Variants in CNTN5 observed in about 807,000 individuals in gnomAD.
CNTN5 encodes contactin 5.
A neutral mutation model predicts 129.1 loss-of-function variants in CNTN5; 77 were observed. That is an observed-to-expected ratio of 0.60 (90% CI 0.50 to 0.72). The LOEUF is 0.72. Ranked by LOEUF, CNTN5 falls within the 30% of genes least tolerant of loss-of-function variation. CNTN5 has a pLI of 0.00. For synonymous variants in CNTN5, 509 were observed against 465.6 expected, an observed-to-expected ratio of 1.09 and a Z score of -1.20; for missense variants, 1,478 against 1,328.8, an observed-to-expected ratio of 1.11 and a Z score of -1.75.
rs570017916 is a variant in CNTN5, at chr11:99,652,547, T to A, written c.55+96278T>A. Among the ~76,000 whole-genome samples the A allele has an allele frequency of 5.3e-5, 8 of 152,164 alleles. No homozygotes were observed. The South Asian group carries it at 1.5e-3, about 28-fold the overall frequency. On this transcript the variant is annotated intron_variant, in intron 3 of 24. Transcript: ENST00000524871. ...CGATCCTGTCAACCAGAGTGATTTA[T>A]TTGAATCTTACAAGGCTGTAGTCAC...
chr11:100,282,739 A>G (rs553461444), intron 18 of CNTN5, among the ~76,000 whole-genome samples: 25 of 147,650 alleles, frequency 1.7e-4, no homozygotes, highest in Non-Finnish European at 3.7e-4. Flanking sequence ...TACAGTCAAA[A>G]TCCTTAGAAG....
intron 9 of CNTN5, chr11:100,003,897 A>G (rs1000558022): frequency 3.3e-5 from 5 of 152,316 alleles, no homozygotes; most frequent in East Asian, 1.9e-4. Context: ...ACAATTATGG[A>G]AAAAAGAAAC....
intron 3 of CNTN5, among the ~76,000 whole-genome samples, chr11:99,662,030 A>G (rs1361861901): frequency 6.6e-6 from 1 of 152,168 alleles, no homozygotes; most frequent in Non-Finnish European, 1.5e-5. Flanking sequence ...AGTAATACCT[A>G]CAAGTCTATA....
intron 1 of CNTN5, among the ~76,000 whole-genome samples, chr11:99,314,325 G>A (rs918377038): frequency 3.1e-4 from 47 of 152,106 alleles, no homozygotes; most frequent in African/African-American, 9.2e-4. Flanking sequence ...CTATACAGAT[G>A]CAGTTTGATA....
At chr11:99,359,561 T>G (rs994490970) in intron 2 of CNTN5, among the ~76,000 whole-genome samples, 6 of 150,580 alleles carry the variant, frequency 4.0e-5, no homozygotes, top group African/African-American at 1.5e-4. Context: ...TGTTCCTTAT[T>G]TATATATGTA....
In CNTN5 at chr11:100,009,263, T is replaced by A. The variant is rs568585294; in HGVS notation, c.980+7127T>A. 4.6e-5 allele frequency among the ~76,000 whole-genome samples: 7 copies of A among 152,176 alleles called. No homozygotes were observed. The South Asian group carries it at 1.5e-3, about 32-fold the overall frequency. On this transcript the variant is annotated intron_variant, in intron 9 of 24. Coordinates refer to ENST00000524871, the MANE Select transcript of CNTN5 (RefSeq NM_014361.4). ...GCAGAACTCAACAAGAGTGTACTAGTTTACTCCTAGAAATAGCTCTTAAAA... is the reference window on the plus strand; with the variant it reads ...GCAGAACTCAACAAGAGTGTACTAGATTACTCCTAGAAATAGCTCTTAAAA...
rs147784871 is a variant in CNTN5, at chr11:99,133,714, C to A, written c.-210+112444C>A. On this transcript the variant is annotated intron_variant, in intron 1 of 24. Coordinates refer to ENST00000524871, the MANE Select transcript of CNTN5 (RefSeq NM_014361.4). ...AATCAAAACTACAATGAGATATCAT[C>A]TCACACCAGTCAGAATGGCGATTAT... Among the ~76,000 whole-genome samples the A allele has an allele frequency of 2.2e-3, 335 of 151,726 alleles. 3 individuals carry two copies. Among genetic ancestry groups the A allele is most frequent in the African/African-American group, 7.6e-3 (316 of 41,396 alleles).
chr11:100,212,166 T>G (rs1949046669), intron 15 of CNTN5, among the ~76,000 whole-genome samples: 1 of 152,150 alleles, frequency 6.6e-6, no homozygotes, highest in Non-Finnish European at 1.5e-5. Context: ...AAATCATATT[T>G]TACATTCTTT....
chr11:100,130,466 G>A (rs550336607), intron 13 of CNTN5, among the ~76,000 whole-genome samples: 2 of 152,234 alleles, frequency 1.3e-5, no homozygotes, highest in East Asian at 1.9e-4. Context: ...TAAAGGGAAC[G>A]ATATGTATAA....
At chr11:100,355,744 G>A (rs912439006) in intron 24 of CNTN5, among the ~76,000 whole-genome samples, 5 of 151,650 alleles carry the variant, frequency 3.3e-5, no homozygotes, top group African/African-American at 7.2e-5. Context: ...GCTCATGACT[G>A]TAAATTATGA....
intron 2 of CNTN5, among the ~76,000 whole-genome samples, chr11:99,431,376 A>G (rs1212303907): frequency 6.6e-6 from 1 of 152,054 alleles, no homozygotes; most frequent in Non-Finnish European, 1.5e-5. Flanking sequence ...AAGCCAGCTG[A>G]AACTCCGGAA....
At chr11:99,407,636 C>G (rs1942138741) in intron 2 of CNTN5, among the ~76,000 whole-genome samples, 1 of 152,192 alleles carries the variant, frequency 6.6e-6, no homozygotes, top group Non-Finnish European at 1.5e-5. Flanking sequence ...TAGGACTCAC[C>G]TAGGTGTTAC....
At chr11:99,621,533 A>C (rs1335276667) in intron 3 of CNTN5, among the ~76,000 whole-genome samples, 1 of 103,384 alleles carries the variant, frequency 9.7e-6, no homozygotes, top group Admixed American at 1.3e-4. Flanking sequence ...ATAATACAAA[A>C]ATAGTAAATA....
chr11:100,158,570 G>A (rs1947335092), intron 13 of CNTN5, among the ~76,000 whole-genome samples: 1 of 151,710 alleles, frequency 6.6e-6, no homozygotes, highest in African/African-American at 2.4e-5. Context: ...CCATAAACAA[G>A]AAACTTCAAT....
chr11:99,164,080 C>A (rs1302136909), intron 1 of CNTN5, among the ~76,000 whole-genome samples: 2 of 152,082 alleles, frequency 1.3e-5, no homozygotes, highest in African/African-American at 4.8e-5. Context: ...GTAATCCCAG[C>A]AATTTGGGTG....
At chr11:100,275,002 T>C (rs1044515308) in intron 18 of CNTN5, among the ~76,000 whole-genome samples, 2 of 152,084 alleles carry the variant, frequency 1.3e-5, no homozygotes, top group Non-Finnish European at 2.9e-5. Flanking sequence ...AAAAGTTTAA[T>C]TGCCAAAAAA....
chr11:100,124,668 A>C (rs1342342973), intron 13 of CNTN5, among the ~76,000 whole-genome samples: 1 of 152,074 alleles, frequency 6.6e-6, no homozygotes. Flanking sequence ...CATACTATCC[A>C]CAGCAAAAGA....
intron 9 of CNTN5, among the ~76,000 whole-genome samples, chr11:100,032,536 G>A (rs995558977): frequency 1.3e-5 from 2 of 151,854 alleles, no homozygotes; most frequent in Non-Finnish European, 2.9e-5. Flanking sequence ...ATAAAAGTTT[G>A]AGGAGTATTA....
chr11:99,294,681 C>T (rs1429015265), intron 1 of CNTN5, among the ~76,000 whole-genome samples: 1 of 152,160 alleles, frequency 6.6e-6, no homozygotes, highest in African/African-American at 2.4e-5. Flanking sequence ...CCATTATCTG[C>T]AATGCTGCGA....
Sources: gnomAD v4.1 joint callset for allele counts (sites outside exome capture counted in the v4.1 genomes callset) on GRCh38, gnomAD v4.1.1 for gene constraint, MANE v1.5 for transcripts, NCBI Gene and HGNC (gene_info 2026-07-23, HGNC 2026-07-21) for gene names.